The following PGAP1 variants were observed in gnomAD, a reference collection of about 807,000 sequenced individuals.
The protein encoded by PGAP1 is post-GPI attachment to proteins inositol deacylase 1, also known as GPI inositol-deacylase.
In PGAP1, 76 loss-of-function variants were observed where a neutral mutation model predicts 127.0. That is an observed-to-expected ratio of 0.60 (90% CI 0.50 to 0.72). PGAP1 has a LOEUF of 0.72. Among genes scored for constraint, PGAP1 ranks in the 30% least tolerant of loss-of-function variants. PGAP1 has a pLI of 0.00. For missense variants in PGAP1, 982 were observed against 1,071.3 expected (o/e 0.92, Z 1.16); for synonymous variants, 362 against 366.5 (o/e 0.99, Z 0.14).
intron 21 of PGAP1, chr2:196,847,494 T>C (rs1700593759): frequency 5.0e-6 from 1 of 201,966 alleles, no homozygotes; most frequent in African/African-American, 2.4e-5. Context: ...AAGTTAGTTG[T>C]AATGATGGAA....
chr2:196,860,401 C>G (rs1485824266), intron 20 of PGAP1, among the ~76,000 whole-genome samples: 5 of 151,806 alleles, frequency 3.3e-5, no homozygotes, highest in African/African-American at 1.2e-4. Context: ...GGGCGTGGTG[C>G]CACACGGCTG....
chr2:196,893,323 T>C (rs1288563721), intron 7 of PGAP1, 78 bp from the exon 8 acceptor site: 4 of 749,626 alleles, frequency 5.3e-6, no homozygotes, highest in Admixed American at 4.5e-5. Context: ...TCAGTAATGA[T>C]GACAACAGCC....
intron 3 of PGAP1, among the ~76,000 whole-genome samples, chr2:196,913,945 T>C (rs1371256372): frequency 6.6e-6 from 1 of 152,230 alleles, no homozygotes; most frequent in Non-Finnish European, 1.5e-5. Flanking sequence ...GCAGAGGGTA[T>C]CTATGTGATA....
chr2:196,844,696 AT>A, intron 23 of PGAP1, 122 bp from the exon 24 acceptor site: 1 of 616,784 alleles, frequency 1.6e-6, no homozygotes, highest in Non-Finnish European at 2.7e-6. Context: ...CCAAAAAGTC[AT>A]TTAAACATTT....
intron 20 of PGAP1, among the ~76,000 whole-genome samples, chr2:196,857,737 G>A (rs979135996): frequency 1.1e-4 from 17 of 152,114 alleles, no homozygotes; most frequent in African/African-American, 3.9e-4. Context: ...CTGCAACCTG[G>A]AACAAAGGCC....
At chr2:196,914,924 C>T (rs1702954094) in intron 3 of PGAP1, among the ~76,000 whole-genome samples, 2 of 151,664 alleles carry the variant, frequency 1.3e-5, no homozygotes, top group Admixed American at 1.3e-4. Context: ...CGAGTAGATC[C>T]TCCTACCTCA....
intron 1 of PGAP1, among the ~76,000 whole-genome samples, chr2:196,925,697 AC>A (rs1703335632): frequency 6.6e-6 from 1 of 152,140 alleles, no homozygotes; most frequent in Non-Finnish European, 1.5e-5. Flanking sequence ...CAGCGAGAAA[AC>A]AAAAATAGCA....
In PGAP1 at chr2:196,865,030, G is replaced by T. The variant is rs766105430; in HGVS notation, c.1818C>A (p.Ile606=). Reference sequence around the variant, plus strand: ...ATAACTGTCCTCTATAAGCAAGAAGGATATTAGATACGACATAAGCAGGAA... The same window carrying T: ...ATAACTGTCCTCTATAAGCAAGAAGTATATTAGATACGACATAAGCAGGAA... ...GALPAYVVSN[I]LLAYRGQLYS... is the part of the protein sequence containing the mutation. Residue 606 remains isoleucine, a synonymous_variant, in exon 20 of 27, where the codon ATC becomes ATA. Transcript: ENST00000354764. 6.4e-7 allele frequency: 1 copy of T among 1,570,548 alleles called. No homozygotes were observed. Among genetic ancestry groups the T allele is most frequent in the Non-Finnish European group, 8.6e-7 (1 of 1,166,206 alleles).
At chr2:196,887,181 G>A (rs896916777) in intron 10 of PGAP1, among the ~76,000 whole-genome samples, 3 of 151,924 alleles carry the variant, frequency 2.0e-5, no homozygotes, top group Non-Finnish European at 4.4e-5. Flanking sequence ...TCAGGAGATC[G>A]AGACCCTCCT....
chr2:196,918,217 G>T (rs1050609635), intron 2 of PGAP1, among the ~76,000 whole-genome samples: 2 of 152,054 alleles, frequency 1.3e-5, no homozygotes, highest in African/African-American at 4.8e-5. Context: ...GACAATTCTG[G>T]TGTTGTAAAA....
intron 20 of PGAP1, among the ~76,000 whole-genome samples, chr2:196,861,300 A>G (rs1213898128): frequency 1.3e-5 from 2 of 152,236 alleles, no homozygotes; most frequent in Non-Finnish European, 2.9e-5. Flanking sequence ...CCTCAAAAGC[A>G]CATACAATAA....
rs776407292 is a variant in PGAP1, at chr2:196,843,874, T to C, written c.2525+14A>G. ...TTGAACCACATAAACAATAATTATA[T>C]CAATAAAACGCACCTAAGATTCTTT... On this transcript the variant is annotated intron_variant, in intron 25 of 26. Transcript: ENST00000354764. 6.9e-7 allele frequency: 1 copy of C among 1,439,222 alleles called. No homozygotes were observed. The highest frequency in any genetic ancestry group is 9.3e-7 in the Non-Finnish European group (1 of 1,072,876). 89.2% of individuals were successfully genotyped at this position (1,439,222 alleles called of 1,614,324 possible). A position where few individuals can be genotyped will look rare whatever the true frequency, so the allele number is the denominator to read the frequency against.
rs1249688469 is a variant in PGAP1, at chr2:196,837,506, T to A, written c.*3728A>T. 2 of 152,078 alleles carry A rather than the reference T, an allele frequency of 1.3e-5. No homozygotes were observed. The highest frequency in any genetic ancestry group is 1.9e-4 in the East Asian group (1 of 5,184). The allele number at this position is 152,078 out of a possible 1,614,324, so 9.4% of individuals were successfully genotyped here. ...CAGGCACAGTGGCATGTACCTGTAG[T>A]CTCACCTGCTGTGGGAGGCTGAGAT... On this transcript the variant is annotated 3_prime_UTR_variant, in exon 27 of 27. Coordinates refer to ENST00000354764, the MANE Select transcript of PGAP1 (RefSeq NM_024989.4).
chr2:196,834,438 C>T lies in PGAP1; in HGVS notation c.*6796G>A, dbSNP rs984686030. On this transcript the variant is annotated 3_prime_UTR_variant, in exon 27 of 27. Coordinates refer to ENST00000354764, the MANE Select transcript of PGAP1 (RefSeq NM_024989.4). ...AATGTACAGTTATAAAATTGCAGGG[C>T]ACTCTTTATCATTTCAAGGCACACT... is the stretch of plus-strand genomic sequence containing the variant. 2.0e-5 allele frequency: 3 copies of T among 152,340 alleles called. No individual in the cohort carries two copies. The highest frequency in any genetic ancestry group is 2.9e-5 in the Non-Finnish European group (2 of 67,868). The allele number at this position is 152,340 out of a possible 1,614,324, so 9.4% of individuals were successfully genotyped here. A position where few individuals can be genotyped will look rare whatever the true frequency, so the allele number is the denominator to read the frequency against.
intron 21 of PGAP1, 56 bp downstream of exon 21, chr2:196,847,891 T>C: frequency 7.9e-7 from 1 of 1,271,196 alleles, no homozygotes; most frequent in Non-Finnish European, 1.1e-6. Context: ...TGGAACCAAA[T>C]ATAATGTTAC....
chr2:196,871,578 T>C (rs1010649807), intron 18 of PGAP1, among the ~76,000 whole-genome samples: 2 of 152,266 alleles, frequency 1.3e-5, no homozygotes, highest in East Asian at 3.9e-4. Flanking sequence ...TAAAAACTAC[T>C]ATGGCCCTGC....
chr2:196,860,500 C>T (rs1403759234), intron 20 of PGAP1, among the ~76,000 whole-genome samples: 1 of 152,092 alleles, frequency 6.6e-6, no homozygotes, highest in African/African-American at 2.4e-5. Flanking sequence ...TGCCATTGCA[C>T]TCCTGTCTGG....
chr2:196,897,102 T>C, intron 7 of PGAP1, 29 bp downstream of exon 7: 1 of 1,290,760 alleles, frequency 7.7e-7, no homozygotes, highest in Non-Finnish European at 1.1e-6. Flanking sequence ...AGCTTTCATT[T>C]AAATAATTTT....
chr2:196,870,917 C>A, intron 19 of PGAP1, 24 bp downstream of exon 19: 1 of 1,592,950 alleles, frequency 6.3e-7, no homozygotes, highest in South Asian at 1.1e-5. Context: ...AGTAAATAAT[C>A]AACCAGCCAG....
Sources: allele counts gnomAD v4.1 joint callset (sites outside exome capture counted in the v4.1 genomes callset), GRCh38; gene constraint gnomAD v4.1.1; transcripts MANE v1.5; gene names NCBI Gene and HGNC (gene_info 2026-07-23, HGNC 2026-07-21).